BROX: variants seen among roughly 807,000 people sequenced by gnomAD.
BROX encodes BRO1 domain and CAAX motif containing, also known as BRO1 domain-containing protein BROX.
BROX carries 53 observed loss-of-function variants against 61.0 expected under a neutral mutation model. The ratio of observed to expected loss-of-function variants is 0.87; its 90% confidence interval spans 0.70 to 1.09. The LOEUF (loss-of-function observed/expected upper bound fraction) is 1.09, where lower values mean the gene tolerates loss of function less well. BROX is among the 50% of genes least tolerant of loss of function. The probability of loss-of-function intolerance (pLI) is 0.00; values close to 1 mark genes in which losing one functional copy is unlikely to be tolerated. For synonymous variants in BROX, 152 were observed against 160.2 expected (o/e 0.95, Z 0.38); for missense variants, 489 against 472.0 (o/e 1.04, Z -0.33).
chr1:222,712,885 T>C lies in BROX; in HGVS notation c.-74T>C. Reference sequence around the variant, plus strand: ...CTCCCTCTTTTTCTCGCTTGTGGACTCCGATATATTGCCCTTCTTCCCTTA... The same window carrying C: ...CTCCCTCTTTTTCTCGCTTGTGGACCCCGATATATTGCCCTTCTTCCCTTA... On this transcript the variant is annotated 5_prime_UTR_variant, in exon 1 of 13. Coordinates refer to ENST00000340934, the MANE Select transcript of BROX (RefSeq NM_144695.4). 1 of 1,251,742 alleles carries C rather than the reference T, an allele frequency of 8.0e-7. No individual in the cohort carries two copies. Among genetic ancestry groups the C allele is most frequent in the Non-Finnish European group, 1.0e-6 (1 of 966,598 alleles). 77.5% of individuals were successfully genotyped at this position (1,251,742 alleles called of 1,614,324 possible).
rs934488120 is a variant in BROX at position 222,733,714 on chromosome 1, A to T, written c.*1000A>T. On this transcript the variant is annotated 3_prime_UTR_variant, in exon 13 of 13. Coordinates refer to ENST00000340934, the MANE Select transcript of BROX (RefSeq NM_144695.4). ...CCCCTGTGCTTCATTCAGTATCAGTAACCCTGCAATGATTTTTACAAATAT... is the reference window on the plus strand; with the variant it reads ...CCCCTGTGCTTCATTCAGTATCAGTTACCCTGCAATGATTTTTACAAATAT... 7.2e-5 allele frequency: 11 copies of T among 152,248 alleles called. No individual in the cohort carries two copies. Among genetic ancestry groups the T allele is most frequent in the African/African-American group, 2.7e-4 (11 of 41,478 alleles). The allele number at this position is 152,248 out of a possible 1,614,324, so 9.4% of individuals were successfully genotyped here.
rs1571988328 is a variant in BROX at position 222,730,020 on chromosome 1, C to T, written c.839-7C>T. 6.3e-7 allele frequency: 1 copy of T among 1,593,998 alleles called. No homozygotes were observed. The highest frequency in any genetic ancestry group is 2.2e-5 in the East Asian group (1 of 44,662). On this transcript the variant is annotated splice_polypyrimidine_tract_variant and splice_region_variant and intron_variant, in intron 10 of 12. Coordinates refer to ENST00000340934, the MANE Select transcript of BROX (RefSeq NM_144695.4). The stretch of plus-strand genomic sequence containing the variant: ...ATCAAAAGACTTTAAATCTCTTTCA[C>T]ATGCAGTGTATGCAAAGGCAGAAGC...
rs756664944 is a variant in BROX at position 222,726,729 on chromosome 1, AAAG to A, written c.581-436_581-434del. Among the ~76,000 whole-genome samples, 17 of 152,206 alleles carry A rather than the reference AAAG, an allele frequency of 1.1e-4. No individual in the cohort carries two copies. In the East Asian group the frequency reaches 1.5e-3, roughly 14 times the overall value. On this transcript the variant is annotated intron_variant, in intron 7 of 12. Coordinates refer to ENST00000340934, the MANE Select transcript of BROX (RefSeq NM_144695.4). ...TAAAACTCCATCTCAAAAAAAAAAA[AAAG>A]AAATTAGCCAGGTGCCATGGCATGC...
At chr1:222,718,689 AAC>A (rs1656822335) in intron 2 of BROX, among the ~76,000 whole-genome samples, 2 of 152,206 alleles carry the variant, frequency 1.3e-5, no homozygotes, top group Admixed American at 6.5e-5. Context: ...CAACTTTTAA[AAC>A]AGTTATTAGA....
rs1656898229 is a variant in BROX, at chr1:222,719,433, T to G, written c.305+74T>G. 1.8e-5 allele frequency: 19 copies of G among 1,036,542 alleles called. No homozygotes were observed. In the East Asian group the frequency reaches 4.6e-4, roughly 25 times the overall value. The allele number at this position is 1,036,542 out of a possible 1,614,324, so 64.2% of individuals were successfully genotyped here. A position where few individuals can be genotyped will look rare whatever the true frequency, so the allele number is the denominator to read the frequency against. On this transcript the variant is annotated intron_variant, in intron 4 of 12. Coordinates refer to ENST00000340934, the MANE Select transcript of BROX (RefSeq NM_144695.4). ...TGTAGCCAGTGGTTAACTCATAGCC[T>G]TTGTATTTGGAGAAGAAAAATACAG... is the stretch of plus-strand genomic sequence containing the variant.
chr1:222,725,537 C>A lies in BROX; in HGVS notation c.562C>A (p.Gln188Lys). 6.2e-7 allele frequency: 1 copy of A among 1,605,654 alleles called. No individual in the cohort carries two copies. The highest frequency in any genetic ancestry group is 1.1e-5 in the South Asian group (1 of 89,650). ...RLIEAYVIQC[Q>K]AEAQEVTIAR... ...CATAGAAGCATACGTTATTCAATGTCAGGCTGAAGCTCAAGAAGGTATCCT... is the reference window on the plus strand; with the variant it reads ...CATAGAAGCATACGTTATTCAATGTAAGGCTGAAGCTCAAGAAGGTATCCT... The change falls in exon 7 of 13, where the codon CAG becomes AAG. Residue 188 changes from glutamine (Q) to lysine (K), a missense_variant. Physicochemically the swap from Gln to Lys is moderately conservative, Grantham distance 53. Coordinates refer to ENST00000340934, the MANE Select transcript of BROX (RefSeq NM_144695.4).
intron 1 of BROX, chr1:222,713,797 A>G (rs1275682813): frequency 1.3e-5 from 2 of 152,246 alleles, no homozygotes; most frequent in South Asian, 2.1e-4. Context: ...TAGATGCTGT[A>G]TTAGGCTATC....
chr1:222,714,416 T>G (rs556999554), intron 1 of BROX, among the ~76,000 whole-genome samples: 2 of 151,340 alleles, frequency 1.3e-5, no homozygotes, highest in Admixed American at 6.6e-5. Flanking sequence ...GCCAGGATGG[T>G]CTCGATCTCC....
intron 7 of BROX, among the ~76,000 whole-genome samples, chr1:222,726,448 G>A (rs115499029): frequency 0.079 from 11,974 of 152,258 alleles, 667 homozygotes; most frequent in Non-Finnish European, 0.13. Context: ...GTGTGGTGGT[G>A]GCTCACGCCT....
At chr1:222,718,531 G>T (rs1436971779) in intron 2 of BROX, among the ~76,000 whole-genome samples, 1 of 152,042 alleles carries the variant, frequency 6.6e-6, no homozygotes, top group Non-Finnish European at 1.5e-5. Flanking sequence ...GAAACTTATT[G>T]TGAACTGCTT....
In BROX at chr1:222,719,043, A is replaced by G. The variant is rs1192175476; in HGVS notation, c.208+12A>G. 2 of 1,592,950 alleles carry G rather than the reference A, an allele frequency of 1.3e-6. No homozygotes were observed. The highest frequency in any genetic ancestry group is 3.6e-5 in the Admixed American group (2 of 55,798). ...CTCACTTTTACAAGGTTAGTTATTT[A>G]TATGAACTTGAGGTTTTTTAAAAAA... is the stretch of plus-strand genomic sequence containing the variant. On this transcript the variant is annotated intron_variant, in intron 3 of 12. Transcript: ENST00000340934.
intron 4 of BROX, among the ~76,000 whole-genome samples, chr1:222,720,719 A>G (rs904688175): frequency 6.6e-6 from 1 of 152,080 alleles, no homozygotes; most frequent in Non-Finnish European, 1.5e-5. Context: ...AGGCTGAGAC[A>G]GGAGAATCGC....
intron 4 of BROX, among the ~76,000 whole-genome samples, chr1:222,720,430 C>T (rs935382296): frequency 6.6e-6 from 1 of 152,020 alleles, no homozygotes; most frequent in South Asian, 2.1e-4. Flanking sequence ...AAGAATCAAA[C>T]CTCTGTCATT....
At position 222,719,036 on chromosome 1, in the gene BROX, G is replaced by A; in HGVS notation, c.208+5G>A. 6.2e-7 allele frequency: 1 copy of A among 1,601,630 alleles called. No individual in the cohort carries two copies. ...CATATTTCTCACTTTTACAAGGTTA[G>A]TTATTTATATGAACTTGAGGTTTTT... On this transcript the variant is annotated splice_donor_5th_base_variant and intron_variant, in intron 3 of 12. Coordinates refer to ENST00000340934, the MANE Select transcript of BROX (RefSeq NM_144695.4).
At chr1:222,729,175 T>G (rs899557618) in intron 9 of BROX, among the ~76,000 whole-genome samples, 18 of 152,206 alleles carry the variant, frequency 1.2e-4, no homozygotes, top group Admixed American at 1.0e-3. Flanking sequence ...TCACCTAGCT[T>G]AGTGAAGAAC....
chr1:222,713,334 G>A (rs1656215365), intron 1 of BROX: 5 of 985,828 alleles, frequency 5.1e-6, no homozygotes, highest in Non-Finnish European at 6.0e-6. Context: ...GCCGCCCGCT[G>A]CCTCGAACGG....
intron 1 of BROX, chr1:222,715,178 A>G (rs1656496234): frequency 6.6e-6 from 1 of 152,228 alleles, no homozygotes; most frequent in South Asian, 2.1e-4. Flanking sequence ...TTGCTATTCA[A>G]AAGTGTCTGG....
intron 8 of BROX, among the ~76,000 whole-genome samples, chr1:222,728,368 T>C (rs1201290047): frequency 6.6e-6 from 1 of 152,166 alleles, no homozygotes; most frequent in African/African-American, 2.4e-5. Context: ...GAGGAGAGTA[T>C]CCTATTTCTG....
chr1:222,717,142 A>G (rs958231395), intron 2 of BROX, among the ~76,000 whole-genome samples: 2 of 152,230 alleles, frequency 1.3e-5, no homozygotes, highest in African/African-American at 2.4e-5. Context: ...TTGTGGTCAC[A>G]TACAGTCACT....
Sources: allele counts gnomAD v4.1 joint callset (sites outside exome capture counted in the v4.1 genomes callset), GRCh38; gene constraint gnomAD v4.1.1; transcripts MANE v1.5; gene names NCBI Gene and HGNC (gene_info 2026-07-23, HGNC 2026-07-21).